The following PTPRD variants were observed in gnomAD, a reference collection of about 807,000 sequenced individuals.
The protein encoded by PTPRD is protein tyrosine phosphatase receptor type D.
In PTPRD, 34 loss-of-function variants were observed where a neutral mutation model predicts 214.5. The observed-to-expected ratio is 0.16, with a 90% CI of 0.12 to 0.21. The LOEUF is 0.21. Ranked by LOEUF, PTPRD falls within the 10% of genes least tolerant of loss-of-function variation. The pLI is 1.00. For synonymous variants in PTPRD, 1,128 were observed against 845.7 expected (o/e 1.33, Z -5.79); for missense variants, 2,545 against 2,398.7 (o/e 1.06, Z -1.27).
chr9:9,924,065 T>C (rs2083441076), intron 5 of PTPRD, among the ~76,000 whole-genome samples: 1 of 152,034 alleles, frequency 6.6e-6, no homozygotes, highest in African/African-American at 2.4e-5. Context: ...AAATATATTG[T>C]GCTAAAAATG....
chr9:8,482,920 T>C (rs1284553868), intron 30 of PTPRD, among the ~76,000 whole-genome samples: 5 of 152,244 alleles, frequency 3.3e-5, no homozygotes, highest in Admixed American at 2.0e-4. Context: ...AGAAACTTTA[T>C]TGACCCATTC....
At chr9:9,852,452 A>G (rs563948013) in intron 5 of PTPRD, among the ~76,000 whole-genome samples, 131 of 152,258 alleles carry the variant, frequency 8.6e-4, no homozygotes, top group African/African-American at 3.0e-3. Flanking sequence ...AAGAAAAAAA[A>G]GAATAAAAGT....
intron 3 of PTPRD, among the ~76,000 whole-genome samples, chr9:10,323,256 TTCTCTCC>T (rs2096585910): frequency 2.7e-5 from 1 of 37,460 alleles, no homozygotes; most frequent in South Asian, 2.4e-3. Context: ...TCCCCTTCCC[TTCTCTCC>T]CCTCCCCTCC....
chr9:8,590,771 C>T (rs2094034926), intron 14 of PTPRD, among the ~76,000 whole-genome samples: 2 of 152,132 alleles, frequency 1.3e-5, no homozygotes, highest in South Asian at 2.1e-4. Flanking sequence ...ACAAACCAAA[C>T]AGAATAGTTC....
At chr9:9,894,023 A>G (rs927701703) in intron 5 of PTPRD, among the ~76,000 whole-genome samples, 1 of 152,074 alleles carries the variant, frequency 6.6e-6, no homozygotes, top group African/African-American at 2.4e-5. Flanking sequence ...AATGTTGCTC[A>G]GGCTGATATC....
At chr9:10,018,502 T>A (rs2096771482) in intron 4 of PTPRD, among the ~76,000 whole-genome samples, 1 of 151,210 alleles carries the variant, frequency 6.6e-6, no homozygotes, top group Non-Finnish European at 1.5e-5. Context: ...AATATACCAT[T>A]ACTCTGCTAA....
chr9:8,327,949 G>A (rs910593560), intron 44 of PTPRD, among the ~76,000 whole-genome samples: 20 of 141,744 alleles, frequency 1.4e-4, no homozygotes, highest in Non-Finnish European at 4.6e-5. Flanking sequence ...GCACACTGAT[G>A]GGTCTTCACT....
At chr9:10,065,141 T>TAGAAAGAAAGAAA (rs2097851702) in intron 3 of PTPRD, among the ~76,000 whole-genome samples, 1 of 106,732 alleles carries the variant, frequency 9.4e-6, no homozygotes, top group Non-Finnish European at 1.9e-5. Flanking sequence ...TGACTTGGAT[T>TAGAAAGAAAGAAA]AGAAAGAAAG....
chr9:9,685,736 GA>G (rs1380341401), intron 7 of PTPRD, among the ~76,000 whole-genome samples: 1 of 150,680 alleles, frequency 6.6e-6, no homozygotes, highest in Non-Finnish European at 1.5e-5. Flanking sequence ...AAGTAAACCA[GA>G]ATATTTTAGC....
intron 5 of PTPRD, among the ~76,000 whole-genome samples, chr9:9,873,342 G>A (rs539732461): frequency 1.3e-4 from 20 of 152,016 alleles, no homozygotes; most frequent in African/African-American, 4.8e-4. Context: ...TTTTATCAAA[G>A]GAATAATTAA....
chr9:8,705,943 C>G (rs2098197115), intron 12 of PTPRD, among the ~76,000 whole-genome samples: 1 of 152,136 alleles, frequency 6.6e-6, no homozygotes, highest in Non-Finnish European at 1.5e-5. Flanking sequence ...TGATTCGGAG[C>G]ATTTAGTCAG....
chr9:10,057,139 T>G (rs2097667421), intron 3 of PTPRD, among the ~76,000 whole-genome samples: 2 of 152,284 alleles, frequency 1.3e-5, no homozygotes, highest in South Asian at 4.1e-4. Flanking sequence ...CTGGATTTAA[T>G]TTATCATTTC....
At chr9:9,668,475 G>A (rs909512643) in intron 7 of PTPRD, among the ~76,000 whole-genome samples, 4 of 152,026 alleles carry the variant, frequency 2.6e-5, no homozygotes, top group Non-Finnish European at 5.9e-5. Flanking sequence ...AATTACTACT[G>A]CCTTTTTAGT....
At chr9:9,991,528 A>G (rs557850262) in intron 4 of PTPRD, among the ~76,000 whole-genome samples, 3 of 151,694 alleles carry the variant, frequency 2.0e-5, no homozygotes, top group Admixed American at 1.3e-4. Flanking sequence ...CACCTAGCTA[A>G]TTTTGTATTT....
chr9:9,328,085 A>G (rs2040743067), intron 9 of PTPRD, among the ~76,000 whole-genome samples: 1 of 152,156 alleles, frequency 6.6e-6, no homozygotes. Context: ...TGATGATTCC[A>G]TTTAAAATTA....
rs551674850 is a variant in PTPRD, at chr9:9,077,370, G to A, written c.-142-58635C>T. Among the ~76,000 whole-genome samples the A allele has an allele frequency of 2.8e-3, 160 of 56,784 alleles. 1 individual carries two copies. Among genetic ancestry groups the A allele is most frequent in the African/African-American group, 8.9e-3 (158 of 17,716 alleles). The allele number at this position is 56,784 out of a possible 152,430, so 37.3% of individuals were successfully genotyped here. On this transcript the variant is annotated intron_variant, in intron 10 of 45. Coordinates refer to ENST00000381196, the MANE Select transcript of PTPRD (RefSeq NM_002839.4). The stretch of plus-strand genomic sequence containing the variant: ...TAGAAGCAGAATGGGGATGAATTCA[G>A]GTGACTGAAAATGTTATTATCTTGA...
chr9:9,852,284 A>T (rs2060693398), intron 5 of PTPRD, among the ~76,000 whole-genome samples: 1 of 152,136 alleles, frequency 6.6e-6, no homozygotes, highest in Non-Finnish European at 1.5e-5. Context: ...TTGATCTAAA[A>T]TCAGAATTTT....
chr9:8,430,437 A>ATT (rs4008183), intron 35 of PTPRD, among the ~76,000 whole-genome samples: 65,306 of 141,818 alleles, frequency 0.46, 15,153 homozygotes, highest in East Asian at 0.58. Context: ...CGACAGGCTA[A>ATT]TTTTTTTTTT....
chr9:9,676,671 T>G (rs546411251), intron 7 of PTPRD, among the ~76,000 whole-genome samples: 1 of 152,160 alleles, frequency 6.6e-6, no homozygotes, highest in African/African-American at 2.4e-5. Flanking sequence ...CAAATGGTAT[T>G]TCTAGTTCTA....
Sources: allele counts gnomAD v4.1 joint callset (sites outside exome capture counted in the v4.1 genomes callset), GRCh38; gene constraint gnomAD v4.1.1; transcripts MANE v1.5; gene names NCBI Gene and HGNC (gene_info 2026-07-23, HGNC 2026-07-21).